Variants in GRID1 observed in about 807,000 individuals in gnomAD.
The protein encoded by GRID1 is glutamate ionotropic receptor delta type subunit 1, also known as glutamate receptor ionotropic, delta-1.
A neutral mutation model predicts 98.0 loss-of-function variants in GRID1; 28 were observed. The observed-to-expected ratio is 0.29, with a 90% CI of 0.21 to 0.39. The LOEUF (loss-of-function observed/expected upper bound fraction) is 0.39, where lower values mean the gene tolerates loss of function less well. GRID1 is among the 10% of genes least tolerant of loss of function. The pLI, the probability that GRID1 is intolerant of heterozygous loss-of-function variation, is 1.00. For missense variants in GRID1, 1,111 were observed against 1,340.5 expected, an observed-to-expected ratio of 0.83 and a Z score of 2.67; for synonymous variants, 553 against 538.5, an observed-to-expected ratio of 1.03 and a Z score of -0.37.
chr10:85,896,581 G>A (rs1235883716), intron 5 of GRID1, among the ~76,000 whole-genome samples: 1 of 152,152 alleles, frequency 6.6e-6, no homozygotes, highest in Non-Finnish European at 1.5e-5. Context: ...AAGGACATAG[G>A]CAACCATGTC....
intron 2 of GRID1, among the ~76,000 whole-genome samples, chr10:86,232,118 C>G (rs1846463366): frequency 6.6e-6 from 1 of 152,168 alleles, no homozygotes; most frequent in South Asian, 2.1e-4. Flanking sequence ...CTTCCCTTTC[C>G]CTGTTTTCTC....
At chr10:85,960,855 T>G (rs779589080) in intron 4 of GRID1, among the ~76,000 whole-genome samples, 1 of 152,124 alleles carries the variant, frequency 6.6e-6, no homozygotes, top group African/African-American at 2.4e-5. Flanking sequence ...GGAAAACATT[T>G]CTTTTGATCT....
In GRID1 at chr10:85,602,231, G is replaced by T. The variant is rs747315632; in HGVS notation, c.*42C>A. 4 of 1,299,010 alleles carry T rather than the reference G, an allele frequency of 3.1e-6. No individual in the cohort carries two copies. The highest frequency in any genetic ancestry group is 2.9e-5 in the Admixed American group (1 of 34,584). 80.5% of individuals were successfully genotyped at this position (1,299,010 alleles called of 1,614,324 possible). A position where few individuals can be genotyped will look rare whatever the true frequency, so the allele number is the denominator to read the frequency against. ...TTTCTTGTATTAAAAAGCTCTGCTG[G>T]TCGGGTGGGTGGGAGGGTGGGCAGG... is the stretch of plus-strand genomic sequence containing the variant. On this transcript the variant is annotated 3_prime_UTR_variant, in exon 16 of 16. Transcript: ENST00000327946.
At chr10:85,998,715 A>G (rs1354269353) in intron 4 of GRID1, among the ~76,000 whole-genome samples, 1 of 152,208 alleles carries the variant, frequency 6.6e-6, no homozygotes, top group Non-Finnish European at 1.5e-5. Flanking sequence ...TGATTCTTTG[A>G]AAACATCAGC....
intron 8 of GRID1, among the ~76,000 whole-genome samples, chr10:85,769,155 G>A (rs1039004928): frequency 6.6e-6 from 1 of 152,190 alleles, no homozygotes; most frequent in Non-Finnish European, 1.5e-5. Flanking sequence ...ATGGTGAAGA[G>A]GCCATGGAAT....
chr10:86,011,309 T>C (rs1245768298), intron 4 of GRID1, among the ~76,000 whole-genome samples: 2 of 152,204 alleles, frequency 1.3e-5, no homozygotes, highest in Non-Finnish European at 2.9e-5. Context: ...GGGAACTCCA[T>C]GAAAGCAGAG....
At chr10:85,840,305 T>C (rs892068055) in intron 8 of GRID1, among the ~76,000 whole-genome samples, 5 of 151,568 alleles carry the variant, frequency 3.3e-5, no homozygotes, top group Non-Finnish European at 7.4e-5. Context: ...TACAACCAAA[T>C]AAGAAAAGTT....
intron 4 of GRID1, among the ~76,000 whole-genome samples, chr10:86,008,736 C>A (rs1192896367): frequency 6.6e-6 from 1 of 152,054 alleles, no homozygotes; most frequent in African/African-American, 2.4e-5. Flanking sequence ...GATTAAGAAA[C>A]CTCCATGTGT....
chr10:85,714,401 A>G (rs1300641510), intron 12 of GRID1, among the ~76,000 whole-genome samples: 1 of 152,036 alleles, frequency 6.6e-6, no homozygotes, highest in African/African-American at 2.4e-5. Context: ...CCCGAACCTA[A>G]AAGTTTTTTT....
intron 6 of GRID1, among the ~76,000 whole-genome samples, chr10:85,862,603 G>A (rs970408449): frequency 2.0e-5 from 3 of 152,190 alleles, no homozygotes; most frequent in African/African-American, 7.2e-5. Context: ...GGAAGCAGGA[G>A]AGAACTCAGC....
chr10:86,341,204 C>G (rs1409811572), intron 2 of GRID1, among the ~76,000 whole-genome samples: 1 of 152,192 alleles, frequency 6.6e-6, no homozygotes, highest in Non-Finnish European at 1.5e-5. Context: ...CCTGATCCCC[C>G]AGGTCCATCC....
At chr10:86,151,854 C>G (rs1845173889) in intron 3 of GRID1, among the ~76,000 whole-genome samples, 1 of 152,148 alleles carries the variant, frequency 6.6e-6, no homozygotes, top group Non-Finnish European at 1.5e-5. Context: ...CTGGTCACTG[C>G]CCACAACTCC....
At chr10:85,724,765 A>G (rs1841743851) in intron 10 of GRID1, 89 bp from the exon 11 acceptor site, 15 of 1,032,450 alleles carry the variant, frequency 1.5e-5, no homozygotes, top group Non-Finnish European at 2.1e-5. Flanking sequence ...CTGTCCTTTG[A>G]GTTGCTCTGT....
At chr10:85,667,948 C>T (rs1841041767) in intron 12 of GRID1, among the ~76,000 whole-genome samples, 2 of 152,310 alleles carry the variant, frequency 1.3e-5, no homozygotes, top group East Asian at 1.9e-4. Flanking sequence ...CCCACCATTC[C>T]CCATCCCTAA....
chr10:85,950,865 T>C (rs1201227109), intron 4 of GRID1, among the ~76,000 whole-genome samples: 2 of 152,240 alleles, frequency 1.3e-5, no homozygotes, highest in Non-Finnish European at 2.9e-5. Context: ...CCCTGTGCTC[T>C]GACAGCACTG....
intron 2 of GRID1, among the ~76,000 whole-genome samples, chr10:86,271,240 T>C (rs980413532): frequency 1.3e-5 from 2 of 152,242 alleles, no homozygotes; most frequent in Non-Finnish European, 2.9e-5. Flanking sequence ...AGAAAGGTCC[T>C]GCCTCAGTAG....
At chr10:85,612,884 T>C (rs1240918252) in intron 15 of GRID1, 1 of 152,722 alleles carries the variant, frequency 6.5e-6, no homozygotes, top group Non-Finnish European at 1.5e-5. Context: ...TCCCCCAGGC[T>C]GGGTGCACCC....
intron 3 of GRID1, among the ~76,000 whole-genome samples, chr10:86,188,212 T>C (rs1023133694): frequency 2.2e-4 from 34 of 152,180 alleles, no homozygotes; most frequent in Admixed American, 2.2e-3. Context: ...GCCTAGAAAA[T>C]AAGCAGAAAA....
intron 7 of GRID1, among the ~76,000 whole-genome samples, chr10:85,855,503 T>C (rs1458475908): frequency 1.3e-5 from 2 of 152,226 alleles, no homozygotes; most frequent in Non-Finnish European, 2.9e-5. Context: ...CCACATGCAA[T>C]TCATTGTGAC....
Sources: allele counts gnomAD v4.1 joint callset (sites outside exome capture counted in the v4.1 genomes callset), GRCh38; gene constraint gnomAD v4.1.1; transcripts MANE v1.5; gene names NCBI Gene and HGNC (gene_info 2026-07-23, HGNC 2026-07-21).